Variants in MEF2C observed in about 807,000 individuals in gnomAD.
MEF2C encodes myocyte-specific enhancer factor 2C.
A neutral mutation model predicts 50.5 loss-of-function variants in MEF2C; 6 were observed. That is an observed-to-expected ratio of 0.12 (90% CI 0.07 to 0.23). MEF2C has a LOEUF of 0.23. Among genes scored for constraint, MEF2C ranks in the 10% least tolerant of loss-of-function variants. The pLI, the probability that MEF2C is intolerant of heterozygous loss-of-function variation, is 1.00. For synonymous variants in MEF2C, 183 were observed against 228.0 expected, an observed-to-expected ratio of 0.80 and a Z score of 1.78; for missense variants, 276 against 605.0, an observed-to-expected ratio of 0.46 and a Z score of 5.70.
intron 6 of MEF2C, chr5:88,738,867 T>C (rs566723472): frequency 1.0e-6 from 1 of 985,360 alleles, no homozygotes; most frequent in African/African-American, 1.7e-5. Context: ...ATATTTCTGG[T>C]CTCTTTCTGG....
At chr5:88,773,241 T>C (rs1157423824) in intron 3 of MEF2C, among the ~76,000 whole-genome samples, 1 of 152,232 alleles carries the variant, frequency 6.6e-6, no homozygotes, top group Admixed American at 6.5e-5. Context: ...TTCAAGGCTG[T>C]AGCAACAGAA....
chr5:88,874,002 C>CT (rs1215011255), intron 1 of MEF2C, among the ~76,000 whole-genome samples: 1 of 151,794 alleles, frequency 6.6e-6, no homozygotes, highest in East Asian at 1.9e-4. Flanking sequence ...AAAAGATCTA[C>CT]TTTTTTAACC....
At chr5:88,748,684 TAGA>T in intron 6 of MEF2C, 1 of 750,728 alleles carries the variant, frequency 1.3e-6, no homozygotes, top group Non-Finnish European at 1.6e-6. Flanking sequence ...TAGAAATGCA[TAGA>T]AGTTCAATAC....
At chr5:88,818,449 G>GC (rs888443200) in intron 2 of MEF2C, among the ~76,000 whole-genome samples, 29 of 151,552 alleles carry the variant, frequency 1.9e-4, no homozygotes, top group African/African-American at 7.0e-4. Context: ...TATTTCAAGG[G>GC]TAAAAAAAAA....
chr5:88,861,392 A>C (rs1329125936), intron 1 of MEF2C, among the ~76,000 whole-genome samples: 2 of 152,228 alleles, frequency 1.3e-5, no homozygotes, highest in Non-Finnish European at 2.9e-5. Flanking sequence ...TCTGAAATGA[A>C]TCATATTAAA....
At chr5:88,855,367 A>T (rs1447668022) in intron 1 of MEF2C, among the ~76,000 whole-genome samples, 1 of 152,196 alleles carries the variant, frequency 6.6e-6, no homozygotes, top group African/African-American at 2.4e-5. Flanking sequence ...CAGTAATAAG[A>T]TGATATACTT....
At chr5:88,874,630 T>C (rs1830520520) in intron 1 of MEF2C, among the ~76,000 whole-genome samples, 3 of 151,902 alleles carry the variant, frequency 2.0e-5, no homozygotes, top group South Asian at 2.1e-4. Context: ...TCGGGAACAT[T>C]TGCATTCACA....
intron 2 of MEF2C, among the ~76,000 whole-genome samples, chr5:88,814,016 T>C (rs551670413): frequency 6.6e-5 from 10 of 152,024 alleles, no homozygotes; most frequent in Non-Finnish European, 1.5e-4. Context: ...GACTAATGAG[T>C]GACAGATGGA....
At chr5:88,728,451 A>G in intron 10 of MEF2C, 42 bp downstream of exon 10, 1 of 1,321,464 alleles carries the variant, frequency 7.6e-7, no homozygotes, top group Non-Finnish European at 9.8e-7. Flanking sequence ...TGTTTTTCAA[A>G]ATACATTCTA....
chr5:88,797,815 T>G lies in MEF2C; in HGVS notation c.258+6783A>C, dbSNP rs909524506. On this transcript the variant is annotated intron_variant, in intron 3 of 10. Coordinates refer to ENST00000504921, the MANE Select transcript of MEF2C (RefSeq NM_002397.5). Reference sequence around the variant, plus strand: ...TCCTTTCCATATTTAGTGCTTCCTTTAGGAGCCCTTGTAAGGCAGGCCTAG... The same window carrying G: ...TCCTTTCCATATTTAGTGCTTCCTTGAGGAGCCCTTGTAAGGCAGGCCTAG... Among the ~76,000 whole-genome samples the G allele has an allele frequency of 6.6e-5, 10 of 152,296 alleles. No individual in the cohort carries two copies. The East Asian group carries it at 1.5e-3, about 24-fold the overall frequency.
At chr5:88,894,269 A>G (rs1834887639) in intron 1 of MEF2C, among the ~76,000 whole-genome samples, 1 of 152,234 alleles carries the variant, frequency 6.6e-6, no homozygotes. Context: ...GCCAAACGAC[A>G]TAAAACCAAT....
Position 88,823,801 on chromosome 5 carries a change from T to C in MEF2C, c.-13A>G. 1 of 1,608,362 alleles carries C rather than the reference T, an allele frequency of 6.2e-7. No homozygotes were observed. Among genetic ancestry groups the C allele is most frequent in the Non-Finnish European group, 8.5e-7 (1 of 1,176,612 alleles). On this transcript the variant is annotated 5_prime_UTR_variant, in exon 2 of 11. Coordinates refer to ENST00000504921, the MANE Select transcript of MEF2C (RefSeq NM_002397.5). Reference sequence around the variant, plus strand: ...TTTTTCTCCCCATAGTCCCCGTTTTTCTTCTCTCTCTCGTCCCTGAAATTA... The same window carrying C: ...TTTTTCTCCCCATAGTCCCCGTTTTCCTTCTCTCTCTCGTCCCTGAAATTA...
intron 4 of MEF2C, among the ~76,000 whole-genome samples, chr5:88,759,080 A>T (rs1282124690): frequency 6.6e-6 from 1 of 152,224 alleles, no homozygotes; most frequent in East Asian, 1.9e-4. Context: ...ACTATCTGAC[A>T]CACCTAAGGT....
At chr5:88,782,691 T>G (rs1788736061) in intron 3 of MEF2C, among the ~76,000 whole-genome samples, 1 of 152,214 alleles carries the variant, frequency 6.6e-6, no homozygotes, top group African/African-American at 2.4e-5. Context: ...TTCAGGCTTT[T>G]TAGCACACAC....
intron 1 of MEF2C, among the ~76,000 whole-genome samples, chr5:88,878,376 T>C (rs1168014204): frequency 1.3e-5 from 2 of 151,964 alleles, no homozygotes; most frequent in East Asian, 1.9e-4. Context: ...CATAAGTATA[T>C]TGGATAAAAA....
intron 3 of MEF2C, chr5:88,771,649 T>C: frequency 1.0e-6 from 1 of 975,926 alleles, no homozygotes; most frequent in Non-Finnish European, 1.2e-6. Flanking sequence ...CAGTTATGGT[T>C]CACTGGATAA....
chr5:88,748,734 A>G (rs1011262594), intron 6 of MEF2C: 14 of 971,610 alleles, frequency 1.4e-5, no homozygotes, highest in Non-Finnish European at 1.6e-5. Flanking sequence ...TTAATGTGAA[A>G]TGATTAACAG....
chr5:88,819,094 C>T (rs1807011459), intron 2 of MEF2C, among the ~76,000 whole-genome samples: 1 of 151,810 alleles, frequency 6.6e-6, no homozygotes. Context: ...AAGTAACTTG[C>T]TAGAGGGTCA....
At chr5:88,787,846 T>A (rs999687837) in intron 3 of MEF2C, among the ~76,000 whole-genome samples, 2 of 152,246 alleles carry the variant, frequency 1.3e-5, no homozygotes, top group Non-Finnish European at 2.9e-5. Flanking sequence ...TATTTCTACG[T>A]TCTTACTACT....
Sources: gnomAD v4.1 joint callset for allele counts (sites outside exome capture counted in the v4.1 genomes callset) on GRCh38, gnomAD v4.1.1 for gene constraint, MANE v1.5 for transcripts, NCBI Gene and HGNC (gene_info 2026-07-23, HGNC 2026-07-21) for gene names.